Variants in GRID1 observed in about 807,000 individuals in gnomAD.
GRID1 encodes the protein glutamate receptor ionotropic, delta-1.
Under a neutral mutation model 98.0 loss-of-function variants are expected in GRID1, and 28 were observed. The observed-to-expected ratio is 0.29, with a 90% CI of 0.21 to 0.39. The LOEUF is 0.39. GRID1 is among the 10% of genes least tolerant of loss of function. GRID1 has a pLI of 1.00. For missense variants in GRID1, 1,111 were observed against 1,340.5 expected (o/e 0.83, Z 2.67); for synonymous variants, 553 against 538.5 (o/e 1.03, Z -0.37).
At chr10:85,901,077 G>A (rs562163979) in intron 5 of GRID1, among the ~76,000 whole-genome samples, 22 of 152,192 alleles carry the variant, frequency 1.4e-4, no homozygotes, top group African/African-American at 3.1e-4. Context: ...GCTGCGACGC[G>A]GATTCATAAC....
chr10:86,101,149 G>C (rs1844290089), intron 4 of GRID1, among the ~76,000 whole-genome samples: 1 of 152,148 alleles, frequency 6.6e-6, no homozygotes, highest in Non-Finnish European at 1.5e-5. Context: ...CAGCAAGGTA[G>C]CCTGGGTGGC....
intron 8 of GRID1, among the ~76,000 whole-genome samples, chr10:85,812,461 C>T (rs954246869): frequency 1.3e-5 from 2 of 152,046 alleles, no homozygotes; most frequent in African/African-American, 4.8e-5. Context: ...GTGATAATGG[C>T]AGTGATGTAT....
At chr10:86,238,815 C>T (rs934506365) in intron 2 of GRID1, among the ~76,000 whole-genome samples, 1 of 152,144 alleles carries the variant, frequency 6.6e-6, no homozygotes, top group Non-Finnish European at 1.5e-5. Flanking sequence ...GAGCCTCCAC[C>T]TAGATTTCAA....
chr10:85,702,735 G>T (rs1296885407), intron 12 of GRID1, among the ~76,000 whole-genome samples: 1 of 151,170 alleles, frequency 6.6e-6, no homozygotes, highest in Non-Finnish European at 1.5e-5. Context: ...AGAACAAAAA[G>T]AGAAGAAGAA....
intron 12 of GRID1, among the ~76,000 whole-genome samples, chr10:85,649,037 G>A (rs935909989): frequency 6.6e-6 from 1 of 152,222 alleles, no homozygotes; most frequent in African/African-American, 2.4e-5. Flanking sequence ...GCAGAGGATT[G>A]CTATGAGGAT....
rs1190429628 is a variant in GRID1 at position 85,874,614 on chromosome 10, G to A, written c.781-5434C>T. Among the ~76,000 whole-genome samples, 7 of 152,108 alleles carry A rather than the reference G, an allele frequency of 4.6e-5. No individual in the cohort carries two copies. The South Asian group carries it at 6.2e-4, about 14-fold the overall frequency. On this transcript the variant is annotated intron_variant, in intron 5 of 15. Transcript: ENST00000327946. ...ATACAAAGCCTTTGTCACCTGCTAC[G>A]GGTATCTTCTCCACGTTCAGGAATG...
chr10:86,210,022 C>T (rs1846085813), intron 2 of GRID1, among the ~76,000 whole-genome samples: 2 of 152,204 alleles, frequency 1.3e-5, no homozygotes, highest in Non-Finnish European at 2.9e-5. Context: ...GGGGGAAGAG[C>T]AGGATGACCA....
At chr10:85,777,666 G>A (rs1842344612) in intron 8 of GRID1, among the ~76,000 whole-genome samples, 2 of 152,204 alleles carry the variant, frequency 1.3e-5, no homozygotes, top group African/African-American at 2.4e-5. Flanking sequence ...CAATTTACTT[G>A]CTTTTTGCCT....
chr10:85,852,757 G>C (rs897233229), intron 8 of GRID1, among the ~76,000 whole-genome samples: 18 of 152,088 alleles, frequency 1.2e-4, no homozygotes, highest in African/African-American at 4.3e-4. Context: ...GACCAATGCT[G>C]ACCACTCATG....
At chr10:86,239,405 A>G (rs1181794148) in intron 2 of GRID1, among the ~76,000 whole-genome samples, 1 of 152,168 alleles carries the variant, frequency 6.6e-6, no homozygotes, top group African/African-American at 2.4e-5. Context: ...TGGACTGTGG[A>G]CTTTTGAGTT....
intron 4 of GRID1, among the ~76,000 whole-genome samples, chr10:86,108,936 C>T (rs1844434077): frequency 6.6e-6 from 1 of 152,136 alleles, no homozygotes; most frequent in Non-Finnish European, 1.5e-5. Context: ...GCTTCCCTCT[C>T]CGAGCCCCTC....
chr10:86,303,764 G>C (rs1847721790), intron 2 of GRID1, among the ~76,000 whole-genome samples: 2 of 152,214 alleles, frequency 1.3e-5, no homozygotes, highest in East Asian at 3.8e-4. Context: ...TATTTGAGAA[G>C]CCTCACCTGA....
intron 2 of GRID1, among the ~76,000 whole-genome samples, chr10:86,228,025 T>C (rs1271244890): frequency 1.3e-5 from 2 of 151,484 alleles, no homozygotes; most frequent in Non-Finnish European, 2.9e-5. Flanking sequence ...GATAGTTGGA[T>C]GGATGGAAGG....
chr10:85,602,898 A>G (rs1431359425), intron 15 of GRID1, among the ~76,000 whole-genome samples, 197 bp from the exon 16 acceptor site: 1 of 152,144 alleles, frequency 6.6e-6, no homozygotes, highest in Non-Finnish European at 1.5e-5. Context: ...GGGGGGAGAC[A>G]TGATCCCTAT....
intron 8 of GRID1, among the ~76,000 whole-genome samples, chr10:85,783,174 T>C (rs1842395763): frequency 6.6e-6 from 1 of 152,104 alleles, no homozygotes. Context: ...GAAAAGACTG[T>C]CTCCCGGGGG....
chr10:85,785,627 C>T (rs1842420857), intron 8 of GRID1, among the ~76,000 whole-genome samples: 1 of 152,174 alleles, frequency 6.6e-6, no homozygotes, highest in South Asian at 2.1e-4. Flanking sequence ...AGGACAGGCA[C>T]TGACTTCCTT....
chr10:86,179,129 C>G (rs929666032), intron 3 of GRID1, among the ~76,000 whole-genome samples: 1 of 152,114 alleles, frequency 6.6e-6, no homozygotes, highest in Non-Finnish European at 1.5e-5. Context: ...GAAATCCCCC[C>G]AAGACAGTAC....
intron 4 of GRID1, among the ~76,000 whole-genome samples, chr10:86,044,438 G>A (rs954881069): frequency 1.3e-5 from 2 of 152,164 alleles, no homozygotes; most frequent in Non-Finnish European, 2.9e-5. Context: ...CTAGAACTGG[G>A]ACATTGCTGA....
At chr10:86,301,058 C>A (rs1847678783) in intron 2 of GRID1, among the ~76,000 whole-genome samples, 1 of 152,212 alleles carries the variant, frequency 6.6e-6, no homozygotes, top group Non-Finnish European at 1.5e-5. Context: ...CCAAAATGCA[C>A]AGGCCCTGGA....
Sources: allele counts gnomAD v4.1 joint callset (sites outside exome capture counted in the v4.1 genomes callset), GRCh38; gene constraint gnomAD v4.1.1; transcripts MANE v1.5; gene names NCBI Gene and HGNC (gene_info 2026-07-23, HGNC 2026-07-21).